Variants in GRIK2 observed in about 807,000 individuals in gnomAD.
GRIK2 encodes glutamate receptor ionotropic, kainate 2.
In GRIK2, 32 loss-of-function variants were observed where a neutral mutation model predicts 100.3. The ratio of observed to expected loss-of-function variants is 0.32; its 90% CI spans 0.24 to 0.43. GRIK2 has a LOEUF of 0.43. GRIK2 is among the 20% of genes least tolerant of loss of function. The pLI, the probability that GRIK2 is intolerant of heterozygous loss-of-function variation, is 1.00. For missense variants in GRIK2, 843 were observed against 1,114.9 expected, an observed-to-expected ratio of 0.76 and a Z score of 3.47; for synonymous variants, 417 against 389.4, an observed-to-expected ratio of 1.07 and a Z score of -0.83.
chr6:101,599,759 T>C (rs1423477431), intron 2 of GRIK2, among the ~76,000 whole-genome samples: 5 of 151,860 alleles, frequency 3.3e-5, no homozygotes, highest in African/African-American at 1.2e-4. Flanking sequence ...GGTTGTTTTT[T>C]GCTTGTTCAA....
intron 10 of GRIK2, among the ~76,000 whole-genome samples, chr6:101,823,862 G>GTTTT (rs11454516): frequency 3.1e-5 from 4 of 130,408 alleles, no homozygotes; most frequent in Admixed American, 7.8e-5. Flanking sequence ...AGTAAGTTCT[G>GTTTT]TTTTTTTTTT....
intron 2 of GRIK2, among the ~76,000 whole-genome samples, chr6:101,488,694 G>A (rs973542953): frequency 1.4e-5 from 2 of 146,238 alleles, no homozygotes; most frequent in Non-Finnish European, 3.0e-5. Flanking sequence ...AGCCCAAATT[G>A]TATCTAAATT....
intron 15 of GRIK2, among the ~76,000 whole-genome samples, chr6:102,040,646 G>A (rs1454980886): frequency 1.3e-5 from 2 of 151,514 alleles, no homozygotes; most frequent in African/African-American, 2.4e-5. Flanking sequence ...TTTGTTTGAG[G>A]CAGATGCCAA....
In GRIK2 at chr6:101,902,560, A is replaced by C. The variant is rs375764511; in HGVS notation, c.1748+12697A>C. The stretch of plus-strand genomic sequence containing the variant: ...TTTTGAGTTAACTGTATATGAACAT[A>C]TCTATGGACAAGAGAAATTATACCA... On this transcript the variant is annotated intron_variant, in intron 12 of 16. Transcript: ENST00000369134. Among the ~76,000 whole-genome samples the C allele has an allele frequency of 3.4e-4, 52 of 152,102 alleles. No individual in the cohort carries two copies. In the East Asian group the frequency reaches 7.3e-3, roughly 21 times the overall value.
At chr6:101,997,210 A>T (rs1292429589) in intron 14 of GRIK2, among the ~76,000 whole-genome samples, 1 of 152,044 alleles carries the variant, frequency 6.6e-6, no homozygotes, top group Non-Finnish European at 1.5e-5. Flanking sequence ...TCTCACTCCT[A>T]AGTTGCACTA....
intron 2 of GRIK2, among the ~76,000 whole-genome samples, chr6:101,530,359 A>G (rs1026756477): frequency 6.6e-6 from 1 of 152,074 alleles, no homozygotes; most frequent in Non-Finnish European, 1.5e-5. Context: ...TCAATTTTAT[A>G]AAAGAAACAA....
In GRIK2 at chr6:101,613,804, C is replaced by T. The variant is rs1028932264; in HGVS notation, c.116-8145C>T. ...AGAAAAACGAAAGGATCAGATTAGT[C>T]ATGTGACAAACAGTTAAACAATTTC... On this transcript the variant is annotated intron_variant, in intron 2 of 16. Transcript: ENST00000369134. 2.0e-5 allele frequency among the ~76,000 whole-genome samples: 3 copies of T among 150,632 alleles called. 1 individual carries two copies.
intron 2 of GRIK2, among the ~76,000 whole-genome samples, chr6:101,562,594 C>T (rs1215480802): frequency 2.6e-5 from 4 of 152,016 alleles, no homozygotes; most frequent in South Asian, 2.1e-4. Flanking sequence ...CCGCCTGCCT[C>T]GGCCTCCCAA....
At chr6:101,730,700 T>A (rs1056690971) in intron 7 of GRIK2, among the ~76,000 whole-genome samples, 5 of 151,020 alleles carry the variant, frequency 3.3e-5, no homozygotes, top group African/African-American at 1.2e-4. Flanking sequence ...AAGAGACAAG[T>A]GAAAGTGGAA....
chr6:101,500,678 A>C (rs1270322608), intron 2 of GRIK2, among the ~76,000 whole-genome samples: 1 of 152,094 alleles, frequency 6.6e-6, no homozygotes, highest in African/African-American at 2.4e-5. Context: ...AGTACATACT[A>C]TAAAAGCAAC....
chr6:101,704,822 A>T (rs1473082998), intron 7 of GRIK2, among the ~76,000 whole-genome samples: 2 of 151,364 alleles, frequency 1.3e-5, no homozygotes, highest in East Asian at 3.9e-4. Flanking sequence ...GTGTTTTATT[A>T]TAACTAAACA....
At chr6:101,547,323 A>ATTT (rs78256290) in intron 2 of GRIK2, among the ~76,000 whole-genome samples, 62 of 151,904 alleles carry the variant, frequency 4.1e-4, no homozygotes, top group East Asian at 2.7e-3. Context: ...TTTTTTTTGG[A>ATTT]TTTTTTTTAT....
At chr6:101,999,675 T>A (rs1213047431) in intron 14 of GRIK2, among the ~76,000 whole-genome samples, 2 of 152,070 alleles carry the variant, frequency 1.3e-5, no homozygotes, top group Non-Finnish European at 2.9e-5. Context: ...AATGACTATA[T>A]AAGTTTTTTG....
intron 11 of GRIK2, among the ~76,000 whole-genome samples, chr6:101,860,628 G>C (rs1562445575): frequency 6.6e-6 from 1 of 152,174 alleles, no homozygotes. Flanking sequence ...GCAAAATAAG[G>C]AAAGGCAGCA....
At chr6:101,792,962 C>G (rs999987148) in intron 7 of GRIK2, among the ~76,000 whole-genome samples, 1 of 152,112 alleles carries the variant, frequency 6.6e-6, no homozygotes, top group African/African-American at 2.4e-5. Flanking sequence ...TTCATTTCAT[C>G]TTCCATCACT....
chr6:101,835,464 CTTTTTTTT>C (rs764148146), intron 10 of GRIK2, among the ~76,000 whole-genome samples: 1 of 89,020 alleles, frequency 1.1e-5, no homozygotes, highest in African/African-American at 4.9e-5. Context: ...CTATGAGTTC[CTTTTTTTT>C]TTTTTTTTTT....
At chr6:101,963,509 CTTT>C (rs770178884) in intron 14 of GRIK2, among the ~76,000 whole-genome samples, 3 of 106,104 alleles carry the variant, frequency 2.8e-5, no homozygotes, top group African/African-American at 1.1e-4. Flanking sequence ...TTCTTTCTTT[CTTT>C]TTTTTTTTTT....
At chr6:101,861,593 AAAAAC>A (rs1414329758) in intron 11 of GRIK2, among the ~76,000 whole-genome samples, 3 of 152,180 alleles carry the variant, frequency 2.0e-5, no homozygotes, top group African/African-American at 7.2e-5. Context: ...CAAGATAAAG[AAAAAC>A]AAAACAAATA....
intron 4 of GRIK2, among the ~76,000 whole-genome samples, chr6:101,675,378 A>C (rs1770759230): frequency 6.6e-6 from 1 of 152,018 alleles, no homozygotes; most frequent in Non-Finnish European, 1.5e-5. Flanking sequence ...ATTTACAAAT[A>C]TTTTGCTTTA....
Sources: gnomAD v4.1 joint callset for allele counts (sites outside exome capture counted in the v4.1 genomes callset) on GRCh38, gnomAD v4.1.1 for gene constraint, MANE v1.5 for transcripts, NCBI Gene and HGNC (gene_info 2026-07-23, HGNC 2026-07-21) for gene names.